Variants in PXDNL observed in about 807,000 individuals in gnomAD.
The protein encoded by PXDNL is peroxidasin like, also known as probable oxidoreductase PXDNL.
Under a neutral mutation model 150.8 loss-of-function variants are expected in PXDNL, and 145 were observed. The observed-to-expected ratio is 0.96, with a 90% CI of 0.84 to 1.10. PXDNL has a LOEUF of 1.10. Among genes scored for constraint, PXDNL ranks in the 50% least tolerant of loss-of-function variants. PXDNL has a pLI of 0.00. For synonymous variants in PXDNL, 757 were observed against 725.7 expected, an observed-to-expected ratio of 1.04 and a Z score of -0.69; for missense variants, 2,087 against 1,873.9, an observed-to-expected ratio of 1.11 and a Z score of -2.10.
At chr8:51,615,627 T>A (rs1246161183) in intron 2 of PXDNL, among the ~76,000 whole-genome samples, 2 of 152,088 alleles carry the variant, frequency 1.3e-5, no homozygotes, top group East Asian at 3.9e-4. Context: ...AGTTTGAGAG[T>A]TAATTTATTC....
chr8:51,641,799 G>A (rs1464579116), intron 2 of PXDNL, among the ~76,000 whole-genome samples: 1 of 151,996 alleles, frequency 6.6e-6, no homozygotes, highest in African/African-American at 2.4e-5. Context: ...TCAGTGTGGC[G>A]ATTCCTCAGG....
intron 2 of PXDNL, among the ~76,000 whole-genome samples, chr8:51,607,590 C>A (rs905015097): frequency 2.0e-5 from 3 of 151,688 alleles, no homozygotes; most frequent in Non-Finnish European, 2.9e-5. Context: ...CCTGTAATCC[C>A]AGCACTTTGG....
intron 4 of PXDNL, among the ~76,000 whole-genome samples, chr8:51,554,754 T>C (rs1812566592): frequency 6.6e-6 from 1 of 152,190 alleles, no homozygotes; most frequent in South Asian, 2.1e-4. Flanking sequence ...TGTTCCTCAT[T>C]TCTGTCCAAG....
chr8:51,695,499 C>T (rs1449154349), intron 1 of PXDNL, among the ~76,000 whole-genome samples: 2 of 152,008 alleles, frequency 1.3e-5, no homozygotes, highest in Admixed American at 1.3e-4. Context: ...CGCACGCACG[C>T]ATACTTCTTG....
At chr8:51,642,720 G>T (rs531082728) in intron 2 of PXDNL, among the ~76,000 whole-genome samples, 2 of 152,138 alleles carry the variant, frequency 1.3e-5, no homozygotes, top group African/African-American at 4.8e-5. Context: ...GGAAATAAAG[G>T]GTATTCAATT....
chr8:51,626,313 T>C (rs1814360298), intron 2 of PXDNL, among the ~76,000 whole-genome samples: 1 of 152,202 alleles, frequency 6.6e-6, no homozygotes, highest in Admixed American at 6.5e-5. Flanking sequence ...ATCTGATGTA[T>C]GGATATAAAA....
chr8:51,514,328 A>G (rs1447543444), intron 4 of PXDNL, among the ~76,000 whole-genome samples: 1 of 152,200 alleles, frequency 6.6e-6, no homozygotes, highest in Non-Finnish European at 1.5e-5. Context: ...TCAGTCAGCA[A>G]ACATATTTCC....
intron 5 of PXDNL, among the ~76,000 whole-genome samples, 168 bp downstream of exon 5, chr8:51,499,531 T>A (rs75776946): frequency 0.013 from 1,958 of 152,326 alleles, 40 homozygotes; most frequent in African/African-American, 0.045. Flanking sequence ...TCTCCATTGA[T>A]CTTAAAGTAT....
intron 12 of PXDNL, among the ~76,000 whole-genome samples, chr8:51,444,036 T>G (rs980163382): frequency 6.6e-6 from 1 of 152,224 alleles, no homozygotes; most frequent in Non-Finnish European, 1.5e-5. Flanking sequence ...TCTTTTGACA[T>G]TTCCTTTATC....
chr8:51,370,860 G>A (rs1295971886), intron 19 of PXDNL, among the ~76,000 whole-genome samples: 2 of 152,242 alleles, frequency 1.3e-5, no homozygotes, highest in African/African-American at 4.8e-5. Context: ...GCTTCCCAAA[G>A]TGCTGGGATT....
At chr8:51,757,240 G>A (rs1428273779) in intron 1 of PXDNL, among the ~76,000 whole-genome samples, 1 of 152,110 alleles carries the variant, frequency 6.6e-6, no homozygotes, top group Non-Finnish European at 1.5e-5. Context: ...AATTCCTCTA[G>A]ACTTGTTTTC....
chr8:51,469,352 T>C lies in PXDNL; in HGVS notation c.812+2835A>G, dbSNP rs1024186287. Reference sequence around the variant, plus strand: ...TTTGGAAGCAATATAATTCTCATTCTGAAATTTTCTGATTTTTTTATTTCT... The same window carrying C: ...TTTGGAAGCAATATAATTCTCATTCCGAAATTTTCTGATTTTTTTATTTCT... On this transcript the variant is annotated intron_variant, in intron 8 of 22. Transcript: ENST00000356297. 2.0e-5 allele frequency among the ~76,000 whole-genome samples: 3 copies of C among 152,222 alleles called. No homozygotes were observed. The Middle Eastern group carries it at 0.01, about 518-fold the overall frequency.
intron 1 of PXDNL, among the ~76,000 whole-genome samples, chr8:51,688,781 A>G (rs1192973044): frequency 6.6e-6 from 1 of 152,202 alleles, no homozygotes; most frequent in Non-Finnish European, 1.5e-5. Context: ...TGTTTCCAAA[A>G]TAAAGGAGGG....
chr8:51,685,453 TC>T (rs1815853194), intron 1 of PXDNL, among the ~76,000 whole-genome samples: 1 of 152,136 alleles, frequency 6.6e-6, no homozygotes, highest in Non-Finnish European at 1.5e-5. Flanking sequence ...TAAAGCCATC[TC>T]CCCAAAAACC....
chr8:51,760,996 C>T (rs1248848872), intron 1 of PXDNL, among the ~76,000 whole-genome samples: 3 of 145,696 alleles, frequency 2.1e-5, no homozygotes, highest in Non-Finnish European at 1.5e-5. Flanking sequence ...GTAGCTGGTT[C>T]GACAGGCGCC....
chr8:51,336,905 C>T (rs1352296306), intron 21 of PXDNL, among the ~76,000 whole-genome samples: 4 of 152,110 alleles, frequency 2.6e-5, no homozygotes, highest in East Asian at 1.9e-4. Context: ...CTCATTGAAC[C>T]GTGTCCAGCC....
At chr8:51,546,086 T>C (rs1267059029) in intron 4 of PXDNL, among the ~76,000 whole-genome samples, 1 of 152,138 alleles carries the variant, frequency 6.6e-6, no homozygotes, top group East Asian at 1.9e-4. Context: ...ATAACCACTA[T>C]AGGAACATAT....
intron 21 of PXDNL, among the ~76,000 whole-genome samples, chr8:51,326,008 C>T (rs1368106067): frequency 6.6e-6 from 1 of 152,124 alleles, no homozygotes; most frequent in Admixed American, 6.5e-5. Context: ...TTTTCTGTGT[C>T]TGTTGATGTG....
chr8:51,450,062 C>G (rs4588847), intron 10 of PXDNL, among the ~76,000 whole-genome samples: 148,334 of 152,332 alleles, frequency 0.97, 72,362 homozygotes, highest in East Asian at 1. Context: ...TTCTGGAAAG[C>G]GGTGGGCAAT....
Sources: gnomAD v4.1 joint callset for allele counts (sites outside exome capture counted in the v4.1 genomes callset) on GRCh38, gnomAD v4.1.1 for gene constraint, MANE v1.5 for transcripts, NCBI Gene and HGNC (gene_info 2026-07-23, HGNC 2026-07-21) for gene names.